The following GABRB1 variants were observed in gnomAD, a reference collection of about 807,000 sequenced individuals.
The protein encoded by GABRB1 is gamma-aminobutyric acid type A receptor subunit beta1.
In GABRB1, 17 loss-of-function variants were observed where a neutral mutation model predicts 51.6. That is an observed-to-expected ratio of 0.33 (90% CI 0.23 to 0.49). GABRB1 has a LOEUF of 0.49. GABRB1 is among the 20% of genes least tolerant of loss of function. The probability of loss-of-function intolerance (pLI) is 0.99; values close to 1 mark genes in which losing one functional copy is unlikely to be tolerated. For synonymous variants in GABRB1, 247 were observed against 218.9 expected (o/e 1.13, Z -1.14); for missense variants, 410 against 600.6 (o/e 0.68, Z 3.32).
At chr4:47,106,270 A>G (rs1199368617) in intron 3 of GABRB1, among the ~76,000 whole-genome samples, 1 of 152,078 alleles carries the variant, frequency 6.6e-6, no homozygotes, top group African/African-American at 2.4e-5. Flanking sequence ...ATTTTAAAAA[A>G]CCAAAATTGA....
upstream of GABRB1, among the ~76,000 whole-genome samples, chr4:47,030,132 T>C (rs1157265576): frequency 6.6e-6 from 1 of 152,190 alleles, no homozygotes; most frequent in African/African-American, 2.4e-5. Flanking sequence ...CTTACAATGT[T>C]GAGTCTTCCC....
intron 3 of GABRB1, among the ~76,000 whole-genome samples, chr4:47,051,985 C>T (rs1034366435): frequency 8.6e-5 from 13 of 151,896 alleles, no homozygotes; most frequent in Non-Finnish European, 1.5e-4. Flanking sequence ...AAAAGTCAGC[C>T]GGGTGTGGTG....
chr4:47,306,274 A>C (rs374948425), intron 4 of GABRB1, among the ~76,000 whole-genome samples: 2 of 137,286 alleles, frequency 1.5e-5, no homozygotes, highest in Admixed American at 1.5e-4. Flanking sequence ...AAAAAAAAGA[A>C]GGGAAGGGGA....
intron 4 of GABRB1, among the ~76,000 whole-genome samples, chr4:47,294,646 T>C (rs1218258550): frequency 2.0e-5 from 3 of 152,238 alleles, no homozygotes; most frequent in Non-Finnish European, 2.9e-5. Context: ...AGGAGGCCTG[T>C]CTGCCTTTGT....
chr4:47,123,884 T>TATATATA (rs1172535706), intron 3 of GABRB1, among the ~76,000 whole-genome samples: 1 of 81,656 alleles, frequency 1.2e-5, no homozygotes, highest in African/African-American at 4.2e-5. Flanking sequence ...TTATATATAA[T>TATATATA]ATATATAATA....
chr4:47,425,480 T>TGATTA (rs1553884617), intron 8 of GABRB1, among the ~76,000 whole-genome samples, 194 bp from the exon 9 acceptor site: 5 of 142,318 alleles, frequency 3.5e-5, no homozygotes, highest in Admixed American at 3.5e-4. Context: ...TGGATGATGA[T>TGATTA]GATAGATAGA....
At chr4:47,137,607 CA>C (rs1386768128) in intron 3 of GABRB1, among the ~76,000 whole-genome samples, 1 of 152,062 alleles carries the variant, frequency 6.6e-6, no homozygotes, top group African/African-American at 2.4e-5. Context: ...TACAATTACA[CA>C]AAATTCATTG....
intron 5 of GABRB1, among the ~76,000 whole-genome samples, chr4:47,379,919 A>G (rs1727534031): frequency 6.6e-6 from 1 of 152,166 alleles, no homozygotes; most frequent in South Asian, 2.1e-4. Context: ...TAGAATGGAG[A>G]TAATAATTTC....
intron 5 of GABRB1, among the ~76,000 whole-genome samples, chr4:47,350,286 TAGAGAG>T (rs796436779): frequency 5.8e-4 from 81 of 139,942 alleles, no homozygotes; most frequent in African/African-American, 2.1e-3. Flanking sequence ...TATATATATA[TAGAGAG>T]AGAGAGAGAG....
chr4:47,029,340 G>A (rs1017705061), upstream of GABRB1, among the ~76,000 whole-genome samples: 5 of 151,810 alleles, frequency 3.3e-5, no homozygotes, highest in Non-Finnish European at 5.9e-5. Context: ...CTTAAGTTTT[G>A]CATATCTCAT....
intron 4 of GABRB1, among the ~76,000 whole-genome samples, chr4:47,289,389 G>C (rs1010776414): frequency 8.5e-5 from 13 of 152,178 alleles, no homozygotes; most frequent in African/African-American, 3.1e-4. Context: ...ACCTGAAATA[G>C]TAGTAATTAC....
chr4:47,363,816 G>T (rs1726887498), intron 5 of GABRB1, among the ~76,000 whole-genome samples: 1 of 152,164 alleles, frequency 6.6e-6, no homozygotes, highest in South Asian at 2.1e-4. Context: ...TAGAGCATAA[G>T]AGGTGATTAA....
chr4:46,999,257 T>G (rs1405426029), intron 1 of GABRB1, among the ~76,000 whole-genome samples: 1 of 152,188 alleles, frequency 6.6e-6, no homozygotes, highest in East Asian at 1.9e-4. Flanking sequence ...GTGCCTATTT[T>G]ATGATGAATA....
intron 5 of GABRB1, among the ~76,000 whole-genome samples, chr4:47,336,926 T>C (rs1173245981): frequency 6.6e-6 from 1 of 152,182 alleles, no homozygotes; most frequent in African/African-American, 2.4e-5. Context: ...GAAATGATCA[T>C]TGCAGAGACC....
chr4:47,227,117 C>T (rs1477351889), intron 4 of GABRB1, among the ~76,000 whole-genome samples: 4 of 152,102 alleles, frequency 2.6e-5, no homozygotes, highest in Non-Finnish European at 4.4e-5. Context: ...GTGCCTTTTC[C>T]CTTCTCTGCT....
chr4:47,278,852 G>A (rs950226777), intron 4 of GABRB1, among the ~76,000 whole-genome samples: 1 of 152,160 alleles, frequency 6.6e-6, no homozygotes, highest in Non-Finnish European at 1.5e-5. Context: ...TATGGAAACA[G>A]AAGCTAGGGT....
At chr4:47,154,258 T>TTG (rs1276674510) in intron 3 of GABRB1, among the ~76,000 whole-genome samples, 1 of 3,338 alleles carries the variant, frequency 3.0e-4, no homozygotes, top group East Asian at 5.6e-3. Flanking sequence ...ATTATGGTTG[T>TTG]TTTTTTTTTT....
intron 4 of GABRB1, among the ~76,000 whole-genome samples, chr4:47,185,064 T>C (rs988350669): frequency 6.6e-6 from 1 of 151,870 alleles, no homozygotes; most frequent in African/African-American, 2.4e-5. Context: ...AATAAATGTA[T>C]CTTTAATTTT....
At chr4:47,145,948 A>T (rs1717151881) in intron 3 of GABRB1, among the ~76,000 whole-genome samples, 1 of 151,986 alleles carries the variant, frequency 6.6e-6, no homozygotes, top group Non-Finnish European at 1.5e-5. Context: ...TTTTCTTCTT[A>T]AAACTCTCCG....
Sources: allele counts gnomAD v4.1 joint callset (sites outside exome capture counted in the v4.1 genomes callset), GRCh38; gene constraint gnomAD v4.1.1; transcripts MANE v1.5; gene names NCBI Gene and HGNC (gene_info 2026-07-23, HGNC 2026-07-21).